Variants in PRKD1 observed in about 807,000 individuals in gnomAD.
PRKD1 encodes serine/threonine-protein kinase D1.
Under a neutral mutation model 95.9 loss-of-function variants are expected in PRKD1, and 63 were observed. That is an observed-to-expected ratio of 0.66 (90% CI 0.54 to 0.81). The LOEUF is 0.81. Among genes scored for constraint, PRKD1 ranks in the 30% least tolerant of loss-of-function variants. PRKD1 has a pLI of 0.00. For synonymous variants in PRKD1, 425 were observed against 423.1 expected, an observed-to-expected ratio of 1.00 and a Z score of -0.05; for missense variants, 1,048 against 1,165.3, an observed-to-expected ratio of 0.90 and a Z score of 1.47.
At chr14:29,878,509 A>C (rs61979983) in intron 1 of PRKD1, among the ~76,000 whole-genome samples, 2,536 of 152,278 alleles carry the variant, frequency 0.017, 34 homozygotes, top group Non-Finnish European at 0.027. Context: ...AAACAACCAA[A>C]ATGTTCACAG....
intron 2 of PRKD1, among the ~76,000 whole-genome samples, chr14:29,708,049 C>T (rs948186472): frequency 6.6e-6 from 1 of 152,090 alleles, no homozygotes; most frequent in Non-Finnish European, 1.5e-5. Context: ...TTATCTAAAA[C>T]ACAAATGCTG....
At chr14:29,782,391 TA>T (rs879460380) in intron 1 of PRKD1, among the ~76,000 whole-genome samples, 28 of 152,062 alleles carry the variant, frequency 1.8e-4, no homozygotes, top group South Asian at 8.3e-4. Flanking sequence ...CAAAAGGTCC[TA>T]AAAAAAATAC....
rs757648618 is a variant in PRKD1, at chr14:29,630,998, C to T, written c.1416G>A (p.Leu472=). Residue 472 remains leucine, a synonymous_variant, in exon 10 of 18, where the codon TTG becomes TTA. Transcript: ENST00000331968. ...YYKEIPLSEI[L]SLEPVKTSAL... ...CTGAAGTTTTTACTGGTTCCAGAGA[C>T]AAAATTTCAGATAAAGGAATTTCCT... The T allele has an allele frequency of 3.1e-6, 5 of 1,604,684 alleles. No individual in the cohort carries two copies. Among genetic ancestry groups the T allele is most frequent in the Non-Finnish European group, 8.5e-7 (1 of 1,174,496 alleles).
intron 1 of PRKD1, among the ~76,000 whole-genome samples, chr14:29,746,479 G>A (rs1245532353): frequency 2.6e-5 from 4 of 151,664 alleles, no homozygotes; most frequent in African/African-American, 7.3e-5. Flanking sequence ...TCTGATTCAG[G>A]TTTCTGTCTA....
chr14:29,718,447 A>G (rs1885731287), intron 2 of PRKD1, among the ~76,000 whole-genome samples: 1 of 152,164 alleles, frequency 6.6e-6, no homozygotes, highest in Admixed American at 6.6e-5. Flanking sequence ...TCTTTTCTTT[A>G]TAAATTACCC....
At chr14:29,598,814 T>G (rs1893406228) in intron 15 of PRKD1, among the ~76,000 whole-genome samples, 1 of 152,154 alleles carries the variant, frequency 6.6e-6, no homozygotes, top group African/African-American at 2.4e-5. Context: ...AAAGGCAGAA[T>G]GAGAAGGCAC....
chr14:29,771,759 G>A (rs1888518764), intron 1 of PRKD1, among the ~76,000 whole-genome samples: 1 of 152,196 alleles, frequency 6.6e-6, no homozygotes, highest in African/African-American at 2.4e-5. Context: ...AGTCATGAGG[G>A]CTGGAATGCC....
Position 29,783,528 on chromosome 14 carries a change from A to ATT in PRKD1, c.265-57856_265-57855dup, listed in dbSNP as rs1889140209. Among the ~76,000 whole-genome samples the ATT allele has an allele frequency of 2.0e-5, 3 of 152,164 alleles. No individual in the cohort carries two copies. In the South Asian group the frequency reaches 6.2e-4, roughly 32 times the overall value. On this transcript the variant is annotated intron_variant, in intron 1 of 17. Transcript: ENST00000331968. ...ACATACCCAGTAGTGGGATTGCTGGATTATATATATATGGTGGTTCCATTT... is the reference window on the plus strand; with the variant it reads ...ACATACCCAGTAGTGGGATTGCTGGATTTTATATATATATGGTGGTTCCATTT...
At chr14:29,688,407 G>T (rs1465493320) in intron 2 of PRKD1, among the ~76,000 whole-genome samples, 2 of 152,056 alleles carry the variant, frequency 1.3e-5, no homozygotes, top group Non-Finnish European at 2.9e-5. Context: ...TCAGCCCACT[G>T]CACAACTTTA....
intron 13 of PRKD1, among the ~76,000 whole-genome samples, chr14:29,622,052 T>C (rs190963107): frequency 2.0e-3 from 301 of 152,244 alleles, no homozygotes; most frequent in Admixed American, 4.9e-3. Flanking sequence ...AGGGACAGGT[T>C]TAGTGGAAGA....
chr14:29,578,863 T>C (rs2138944498), intron 16 of PRKD1, among the ~76,000 whole-genome samples: 1 of 152,242 alleles, frequency 6.6e-6, no homozygotes, highest in South Asian at 2.1e-4. Context: ...CATCATAACA[T>C]GGGTCATATC....
intron 4 of PRKD1, among the ~76,000 whole-genome samples, chr14:29,641,089 C>G (rs933997652): frequency 6.6e-6 from 1 of 152,054 alleles, no homozygotes; most frequent in Non-Finnish European, 1.5e-5. Flanking sequence ...TAAAAATATT[C>G]CAAGTTTAGG....
At chr14:29,767,900 C>CTT (rs1256454357) in intron 1 of PRKD1, among the ~76,000 whole-genome samples, 4 of 152,004 alleles carry the variant, frequency 2.6e-5, no homozygotes, top group Non-Finnish European at 5.9e-5. Flanking sequence ...ACAATTGTTG[C>CTT]TTTTGAGTTG....
At chr14:29,617,526 C>T (rs1397088587) in intron 13 of PRKD1, among the ~76,000 whole-genome samples, 1 of 152,076 alleles carries the variant, frequency 6.6e-6, no homozygotes, top group African/African-American at 2.4e-5. Context: ...AAAATGCTTT[C>T]ATTTATTATA....
intron 1 of PRKD1, among the ~76,000 whole-genome samples, chr14:29,766,930 G>A (rs999946792): frequency 6.6e-6 from 1 of 152,086 alleles, no homozygotes; most frequent in African/African-American, 2.4e-5. Context: ...TGTCTTAAGG[G>A]ACAAATTCTA....
At chr14:29,708,196 A>C (rs1411185833) in intron 2 of PRKD1, among the ~76,000 whole-genome samples, 1 of 152,134 alleles carries the variant, frequency 6.6e-6, no homozygotes, top group African/African-American at 2.4e-5. Context: ...CAAGTCCCCA[A>C]ATGAGGCAAT....
chr14:29,581,266 T>TA (rs553808636), intron 16 of PRKD1, among the ~76,000 whole-genome samples: 7 of 152,132 alleles, frequency 4.6e-5, no homozygotes, highest in Non-Finnish European at 1.0e-4. Context: ...ATGTCCCTGT[T>TA]AAAATTCAGT....
intron 2 of PRKD1, among the ~76,000 whole-genome samples, chr14:29,702,042 T>C (rs2139329419): frequency 6.6e-6 from 1 of 152,296 alleles, no homozygotes; most frequent in South Asian, 2.1e-4. Flanking sequence ...TGGGAAGAAC[T>C]AAAATGTTTA....
At chr14:29,783,349 T>C (rs1324662183) in intron 1 of PRKD1, among the ~76,000 whole-genome samples, 2 of 152,220 alleles carry the variant, frequency 1.3e-5, no homozygotes, top group African/African-American at 4.8e-5. Flanking sequence ...TATGGCTAAA[T>C]AGTGTTCTGT....
Sources: gnomAD v4.1 joint callset for allele counts (sites outside exome capture counted in the v4.1 genomes callset) on GRCh38, gnomAD v4.1.1 for gene constraint, MANE v1.5 for transcripts, NCBI Gene and HGNC (gene_info 2026-07-23, HGNC 2026-07-21) for gene names.